TICAM2: variants seen among roughly 807,000 people sequenced by gnomAD.
TICAM2 encodes the protein TIR domain containing adaptor molecule 2.
A neutral mutation model predicts 7.3 loss-of-function variants in TICAM2; 8 were observed. That is an observed-to-expected ratio of 1.10 (90% CI 0.65 to 1.99). TICAM2 has a LOEUF of 1.99. TICAM2 is among the 30% of genes most tolerant of loss of function. The pLI, the probability that TICAM2 is intolerant of heterozygous loss-of-function variation, is 0.00. For synonymous variants in TICAM2, 113 were observed against 99.6 expected, an observed-to-expected ratio of 1.13 and a Z score of -0.80; for missense variants, 304 against 278.8, an observed-to-expected ratio of 1.09 and a Z score of -0.65.
chr5:115,594,429 TA>T lies in TICAM2; in HGVS notation c.-60+7667del, dbSNP rs377347159. ...ATACTTTTAAATAAATAAATGTATG[TA>T]AGTATGTGTGTTTAAACGCCAAATA... is the stretch of plus-strand genomic sequence containing the variant. On this transcript the variant is annotated intron_variant, in intron 1 of 1. Transcript: ENST00000427199. Among the ~76,000 whole-genome samples, 14 of 152,344 alleles carry T rather than the reference TA, an allele frequency of 9.2e-5. No individual in the cohort carries two copies. The South Asian group carries it at 2.5e-3, about 27-fold the overall frequency.
chr5:115,583,772 AG>A (rs1287980293), intron 1 of TICAM2, among the ~76,000 whole-genome samples: 1 of 152,174 alleles, frequency 6.6e-6, no homozygotes, highest in Non-Finnish European at 1.5e-5. Context: ...ATCAGTAAAA[AG>A]GGCTCTACTG....
intron 1 of TICAM2, among the ~76,000 whole-genome samples, chr5:115,592,409 G>C (rs1580414906): frequency 6.6e-6 from 1 of 152,108 alleles, no homozygotes; most frequent in Non-Finnish European, 1.5e-5. Context: ...TTACTACATA[G>C]GTAAATGTGT....
chr5:115,581,431 T>A (rs749970673), intron 1 of TICAM2, 116 bp from the exon 2 acceptor site: 9 of 1,198,162 alleles, frequency 7.5e-6, no homozygotes, highest in African/African-American at 3.1e-5. Flanking sequence ...TCCAAATACA[T>A]AAACGACAAA....
intron 1 of TICAM2, among the ~76,000 whole-genome samples, chr5:115,581,554 G>A (rs933063362): frequency 5.9e-5 from 9 of 152,066 alleles, no homozygotes; most frequent in African/African-American, 2.2e-4. Context: ...GGAGACATTC[G>A]GAAAATGTAA....
In TICAM2 at chr5:115,580,326, G is replaced by C. The variant is rs1754871010; in HGVS notation, c.*223C>G. The C allele has an allele frequency of 1.3e-5, 7 of 538,874 alleles. No homozygotes were observed. The highest frequency in any genetic ancestry group is 1.7e-5 in the Non-Finnish European group (6 of 351,006). 33.4% of individuals were successfully genotyped at this position (538,874 alleles called of 1,614,324 possible). ...TCCATGAACTAGGAAAATTGTGAAA[G>C]AAAAGTCCTTGAAACTCTGACAATG... On this transcript the variant is annotated 3_prime_UTR_variant, in exon 2 of 2. Transcript: ENST00000427199.
intron 1 of TICAM2, among the ~76,000 whole-genome samples, chr5:115,595,355 C>T (rs1453962218): frequency 6.6e-6 from 1 of 152,186 alleles, no homozygotes; most frequent in East Asian, 1.9e-4. Context: ...CTCCCCACAA[C>T]TCCACCCACT....
At chr5:115,582,779 A>G (rs1182000244) in intron 1 of TICAM2, among the ~76,000 whole-genome samples, 1 of 152,234 alleles carries the variant, frequency 6.6e-6, no homozygotes, top group Non-Finnish European at 1.5e-5. Flanking sequence ...TAACATTCAT[A>G]ACAACATAAG....
In TICAM2 at chr5:115,580,159, C is replaced by T. The variant is rs549726107; in HGVS notation, c.*390G>A. 6.1e-6 allele frequency: 1 copy of T among 164,792 alleles called. No individual in the cohort carries two copies. The highest frequency in any genetic ancestry group is 6.0e-5 in the Admixed American group (1 of 16,700). 10.2% of individuals were successfully genotyped at this position (164,792 alleles called of 1,614,324 possible). A position where few individuals can be genotyped will look rare whatever the true frequency, so the allele number is the denominator to read the frequency against. ...CTCAGGAGGAAGTGTGATCAGATCT[C>T]CTGGGGCCATTTTTTTTCTGTGTCC... On this transcript the variant is annotated 3_prime_UTR_variant, in exon 2 of 2. Coordinates refer to ENST00000427199, the MANE Select transcript of TICAM2 (RefSeq NM_021649.7).
intron 1 of TICAM2, among the ~76,000 whole-genome samples, chr5:115,590,612 G>C (rs1755267248): frequency 6.6e-6 from 1 of 152,138 alleles, no homozygotes; most frequent in Admixed American, 6.5e-5. Flanking sequence ...CTATCTATTA[G>C]CTACAGATGT....
At chr5:115,584,205 T>C (rs1755026058) in intron 1 of TICAM2, among the ~76,000 whole-genome samples, 1 of 152,194 alleles carries the variant, frequency 6.6e-6, no homozygotes, top group Non-Finnish European at 1.5e-5. Flanking sequence ...CAAGGATATT[T>C]TGAAAGAATA....
intron 1 of TICAM2, 28 bp downstream of exon 1, chr5:115,602,069 G>A (rs1285422256): frequency 2.0e-5 from 3 of 150,902 alleles, no homozygotes; most frequent in Non-Finnish European, 4.4e-5. Flanking sequence ...CCCCGGCGGC[G>A]GCCCCCGCCC....
At chr5:115,590,252 G>T (rs1423968157) in intron 1 of TICAM2, among the ~76,000 whole-genome samples, 2 of 152,154 alleles carry the variant, frequency 1.3e-5, no homozygotes, top group African/African-American at 4.8e-5. Context: ...TGGGGCTTCA[G>T]TGAGCCATGA....
chr5:115,601,163 G>A (rs1283421234), intron 1 of TICAM2, among the ~76,000 whole-genome samples: 1 of 147,918 alleles, frequency 6.8e-6, no homozygotes, highest in Non-Finnish European at 1.5e-5. Context: ...ATATTAAAAT[G>A]TAAGGATTGA....
intron 1 of TICAM2, among the ~76,000 whole-genome samples, chr5:115,582,312 C>T (rs1264800589): frequency 2.7e-5 from 4 of 150,534 alleles, no homozygotes; most frequent in Non-Finnish European, 5.9e-5. Context: ...ACATGCCACA[C>T]ACCTGGCTAA....
chr5:115,593,866 A>G (rs1030395518), intron 1 of TICAM2, among the ~76,000 whole-genome samples: 1 of 152,244 alleles, frequency 6.6e-6, no homozygotes, highest in Admixed American at 6.5e-5. Context: ...AGATCCAAAC[A>G]TATATGGACA....
intron 1 of TICAM2, among the ~76,000 whole-genome samples, chr5:115,598,755 T>C (rs1367841739): frequency 6.6e-6 from 1 of 152,160 alleles, no homozygotes; most frequent in African/African-American, 2.4e-5. Context: ...AATTCTGAAA[T>C]AAGAAGGAAT....
intron 1 of TICAM2, among the ~76,000 whole-genome samples, chr5:115,586,589 T>A (rs762149076): frequency 6.6e-6 from 1 of 152,188 alleles, no homozygotes; most frequent in Non-Finnish European, 1.5e-5. Context: ...AATGCTTATA[T>A]GACTGGTCAA....
At chr5:115,595,220 ATCAG>A (rs987870561) in intron 1 of TICAM2, among the ~76,000 whole-genome samples, 2 of 152,218 alleles carry the variant, frequency 1.3e-5, no homozygotes, top group African/African-American at 4.8e-5. Flanking sequence ...CAATCAATCA[ATCAG>A]TCAATCAATC....
At chr5:115,592,801 C>T (rs1755359273) in intron 1 of TICAM2, among the ~76,000 whole-genome samples, 1 of 152,106 alleles carries the variant, frequency 6.6e-6, no homozygotes, top group African/African-American at 2.4e-5. Flanking sequence ...TCCATCACAA[C>T]CAAGTTGGGT....
Sources: allele counts gnomAD v4.1 joint callset (sites outside exome capture counted in the v4.1 genomes callset), GRCh38; gene constraint gnomAD v4.1.1; transcripts MANE v1.5; gene names NCBI Gene and HGNC (gene_info 2026-07-23, HGNC 2026-07-21).